SHISA9: variants seen among roughly 807,000 people sequenced by gnomAD.
SHISA9 encodes protein shisa-9.
SHISA9 carries 13 observed loss-of-function variants against 38.0 expected under a neutral mutation model. That is an observed-to-expected ratio of 0.34 (90% CI 0.22 to 0.54). The LOEUF is 0.54. SHISA9 is among the 20% of genes least tolerant of loss of function. The pLI is 0.91. For synonymous variants in SHISA9, 275 were observed against 242.0 expected (o/e 1.14, Z -1.27); for missense variants, 538 against 575.8 (o/e 0.93, Z 0.67).
chr16:13,000,205 C>T (rs892172612), intron 2 of SHISA9, among the ~76,000 whole-genome samples: 2 of 151,992 alleles, frequency 1.3e-5, no homozygotes, highest in African/African-American at 4.8e-5. Flanking sequence ...TGGTGACTCT[C>T]GGGGGGACAA....
chr16:13,408,478 ATTAT>A, the SHISA9 span, among the ~76,000 whole-genome samples: 2 of 152,292 alleles, frequency 1.3e-5, no homozygotes, highest in African/African-American at 4.8e-5. Context: ...ATTTTGTAGT[ATTAT>A]TTCTATAGAG....
At chr16:13,366,058 C>T in the SHISA9 span, among the ~76,000 whole-genome samples, 10 of 152,284 alleles carry the variant, frequency 6.6e-5, no homozygotes, top group South Asian at 1.9e-3. Flanking sequence ...GTTATCATCA[C>T]GTGGTGTAAT....
chr16:13,150,163 C>T (rs538242943), intron 2 of SHISA9, among the ~76,000 whole-genome samples: 23 of 151,868 alleles, frequency 1.5e-4, no homozygotes, highest in Middle Eastern at 3.4e-3. Flanking sequence ...GCCTGTTCCT[C>T]TTCACCCAAA....
At chr16:13,318,581 C>T in the SHISA9 span, among the ~76,000 whole-genome samples, 1 of 152,160 alleles carries the variant, frequency 6.6e-6, no homozygotes, top group African/African-American at 2.4e-5. Context: ...CCACCTCTGT[C>T]TCCCAAAGTG....
At position 13,142,237 on chromosome 16, in the gene SHISA9, C is replaced by G. The variant is rs139119165; in HGVS notation, c.692-61157C>G. 5.9e-3 allele frequency among the ~76,000 whole-genome samples: 903 copies of G among 152,304 alleles called. 6 individuals carry two copies. The highest frequency in any genetic ancestry group is 0.01 in the Admixed American group (160 of 15,300). On this transcript the variant is annotated intron_variant, in intron 2 of 4. Transcript: ENST00000558583. ...TCTAATTTGGCTAGGAATGGGGCGTCTAGCAGGCCCAAGCTGCTTGGTGTA... is the reference window on the plus strand; with the variant it reads ...TCTAATTTGGCTAGGAATGGGGCGTGTAGCAGGCCCAAGCTGCTTGGTGTA...
intron 4 of SHISA9, among the ~76,000 whole-genome samples, chr16:13,234,761 G>A (rs373710571): frequency 1.3e-5 from 2 of 152,142 alleles, no homozygotes; most frequent in Non-Finnish European, 2.9e-5. Flanking sequence ...GGGACTGTGG[G>A]GGGAGAAGTG....
chr16:13,274,039 C>G, the SHISA9 span, among the ~76,000 whole-genome samples: 1 of 152,144 alleles, frequency 6.6e-6, no homozygotes, highest in Non-Finnish European at 1.5e-5. Context: ...AATCACTTAA[C>G]ATCTTCAGTT....
chr16:12,923,315 G>C (rs1403717151), intron 2 of SHISA9, among the ~76,000 whole-genome samples: 3 of 152,210 alleles, frequency 2.0e-5, no homozygotes, highest in Non-Finnish European at 4.4e-5. Flanking sequence ...GATCCCTTGA[G>C]GCCATGAGTT....
intron 2 of SHISA9, among the ~76,000 whole-genome samples, chr16:12,918,401 G>A (rs1384644766): frequency 6.6e-6 from 1 of 152,180 alleles, no homozygotes; most frequent in South Asian, 2.1e-4. Context: ...GCTGTAAAAG[G>A]TGATTGCTAA....
At chr16:13,554,481 T>A in the SHISA9 span, among the ~76,000 whole-genome samples, 1 of 139,408 alleles carries the variant, frequency 7.2e-6, no homozygotes, top group Non-Finnish European at 1.6e-5. Flanking sequence ...TCACATTTGT[T>A]TCCTTTTTTT....
the SHISA9 span, among the ~76,000 whole-genome samples, chr16:13,549,177 A>C: frequency 6.6e-6 from 1 of 152,212 alleles, no homozygotes; most frequent in African/African-American, 2.4e-5. Context: ...ATCTCATATA[A>C]GTAGAAAGTA....
At chr16:13,207,870 A>G (rs1232909023) in intron 3 of SHISA9, among the ~76,000 whole-genome samples, 1 of 152,244 alleles carries the variant, frequency 6.6e-6, no homozygotes, top group Non-Finnish European at 1.5e-5. Flanking sequence ...AAGTTGTTTA[A>G]AAAATGGTTT....
chr16:13,512,421 C>T, the SHISA9 span, among the ~76,000 whole-genome samples: 1 of 152,114 alleles, frequency 6.6e-6, no homozygotes, highest in Non-Finnish European at 1.5e-5. Context: ...TGAAAATGGC[C>T]ATACTGCCCA....
At chr16:13,130,057 A>G (rs988311056) in intron 2 of SHISA9, among the ~76,000 whole-genome samples, 3 of 152,146 alleles carry the variant, frequency 2.0e-5, no homozygotes, top group African/African-American at 7.2e-5. Context: ...AAGAACTTTC[A>G]TGTATTGAAA....
At chr16:13,560,394 T>A in the SHISA9 span, among the ~76,000 whole-genome samples, 1 of 152,172 alleles carries the variant, frequency 6.6e-6, no homozygotes, top group African/African-American at 2.4e-5. Flanking sequence ...GGTCTAATCA[T>A]GGAGCTAAGT....
chr16:13,241,252 T>C (rs187012321), downstream of SHISA9, among the ~76,000 whole-genome samples: 833 of 152,284 alleles, frequency 5.5e-3, 2 homozygotes, highest in South Asian at 0.015. Flanking sequence ...CGGTGGCTCA[T>C]GTCTGTAATT....
At chr16:12,993,662 C>G (rs2072419070) in intron 2 of SHISA9, among the ~76,000 whole-genome samples, 1 of 152,154 alleles carries the variant, frequency 6.6e-6, no homozygotes, top group Admixed American at 6.5e-5. Flanking sequence ...TACCCTGTAG[C>G]AGGAGGCACA....
chr16:13,477,421 G>C, the SHISA9 span, among the ~76,000 whole-genome samples: 4 of 152,202 alleles, frequency 2.6e-5, no homozygotes, highest in Non-Finnish European at 5.9e-5. Flanking sequence ...AAGGCAGACA[G>C]AGCAATCCAT....
chr16:13,230,570 G>A (rs2051322343), intron 4 of SHISA9, among the ~76,000 whole-genome samples: 1 of 152,152 alleles, frequency 6.6e-6, no homozygotes, highest in South Asian at 2.1e-4. Context: ...ACAGATCTGA[G>A]TAATGTTGCT....
Sources: allele counts gnomAD v4.1 joint callset (sites outside exome capture counted in the v4.1 genomes callset), GRCh38; gene constraint gnomAD v4.1.1; transcripts MANE v1.5; gene names NCBI Gene and HGNC (gene_info 2026-07-23, HGNC 2026-07-21).